PCDH7: variants seen among roughly 807,000 people sequenced by gnomAD.
PCDH7 encodes the protein protocadherin-7.
In PCDH7, 17 loss-of-function variants were observed where a neutral mutation model predicts 58.9. The observed-to-expected ratio is 0.29, with a 90% confidence interval of 0.20 to 0.43. The LOEUF is 0.43. Ranked by LOEUF, PCDH7 falls within the 20% of genes least tolerant of loss-of-function variation. The probability of loss-of-function intolerance (pLI) is 1.00; values close to 1 mark genes in which losing one functional copy is unlikely to be tolerated. For missense variants in PCDH7, 1,274 were observed against 1,441.0 expected (o/e 0.88, Z 1.88); for synonymous variants, 664 against 616.4 (o/e 1.08, Z -1.14).
chr4:31,085,740 T>C (rs773240058), intron 3 of PCDH7, among the ~76,000 whole-genome samples: 1 of 152,184 alleles, frequency 6.6e-6, no homozygotes, highest in African/African-American at 2.4e-5. Flanking sequence ...GGCAATTGAT[T>C]AACAAGTGTT....
chr4:30,748,952 C>T (rs1169693592), intron 1 of PCDH7, among the ~76,000 whole-genome samples: 1 of 152,110 alleles, frequency 6.6e-6, no homozygotes, highest in Non-Finnish European at 1.5e-5. Context: ...AGTCATAATT[C>T]TTTCCTCTCT....
chr4:30,790,216 T>G (rs1236219293), intron 1 of PCDH7, among the ~76,000 whole-genome samples: 1 of 152,228 alleles, frequency 6.6e-6, no homozygotes, highest in Non-Finnish European at 1.5e-5. Flanking sequence ...AAACTTAAGT[T>G]ACTGAGTCAA....
chr4:31,065,602 C>T (rs1758018039), intron 3 of PCDH7, among the ~76,000 whole-genome samples: 2 of 151,880 alleles, frequency 1.3e-5, no homozygotes, highest in Admixed American at 1.3e-4. Flanking sequence ...GAAAATCATG[C>T]ATATAATAGA....
chr4:30,800,964 C>T (rs1403745198), intron 1 of PCDH7, among the ~76,000 whole-genome samples: 1 of 152,184 alleles, frequency 6.6e-6, no homozygotes, highest in Non-Finnish European at 1.5e-5. Flanking sequence ...GAAGTTGGCT[C>T]TGCTGATAGA....
At chr4:30,830,363 G>A (rs1468444447) in intron 1 of PCDH7, among the ~76,000 whole-genome samples, 3 of 151,966 alleles carry the variant, frequency 2.0e-5, no homozygotes, top group African/African-American at 4.8e-5. Flanking sequence ...AAAGTACTAC[G>A]TATGGTGATG....
chr4:30,933,589 C>T (rs1744957901), intron 2 of PCDH7, among the ~76,000 whole-genome samples: 1 of 152,016 alleles, frequency 6.6e-6, no homozygotes, highest in Non-Finnish European at 1.5e-5. Flanking sequence ...TAGCTTTAGG[C>T]CTGCTTATAT....
At chr4:31,039,660 A>T (rs930173085) in intron 3 of PCDH7, among the ~76,000 whole-genome samples, 1 of 152,182 alleles carries the variant, frequency 6.6e-6, no homozygotes, top group Non-Finnish European at 1.5e-5. Flanking sequence ...CTGGAACAAT[A>T]TAAGAGAATT....
At chr4:30,897,282 G>C (rs1031407084) in intron 1 of PCDH7, among the ~76,000 whole-genome samples, 1 of 152,070 alleles carries the variant, frequency 6.6e-6, no homozygotes, top group African/African-American at 2.4e-5. Context: ...AAAGTGCTTC[G>C]AAGATACGAG....
intron 1 of PCDH7, among the ~76,000 whole-genome samples, chr4:30,813,499 C>A (rs1029999376): frequency 1.3e-5 from 2 of 152,088 alleles, no homozygotes; most frequent in African/African-American, 4.8e-5. Flanking sequence ...GAAATGTACA[C>A]TCTGGTAGAA....
At chr4:30,865,947 G>A (rs1422933830) in intron 1 of PCDH7, among the ~76,000 whole-genome samples, 2 of 152,006 alleles carry the variant, frequency 1.3e-5, no homozygotes, top group Non-Finnish European at 2.9e-5. Flanking sequence ...CGAATTTAGG[G>A]GCATACTTCC....
intron 1 of PCDH7, among the ~76,000 whole-genome samples, chr4:30,853,154 G>GA (rs1402285726): frequency 6.6e-6 from 1 of 152,042 alleles, no homozygotes; most frequent in Non-Finnish European, 1.5e-5. Context: ...ATTTCTAAAA[G>GA]AAAAAACTAG....
At chr4:30,948,129 A>G (rs1386192799) in intron 2 of PCDH7, among the ~76,000 whole-genome samples, 1 of 151,826 alleles carries the variant, frequency 6.6e-6, no homozygotes, top group Non-Finnish European at 1.5e-5. Context: ...TTTTCTGTGT[A>G]TATATTTACT....
At position 30,750,498 on chromosome 4, in the gene PCDH7, CTG is replaced by C. The variant is rs556157547; in HGVS notation, c.70+25905_70+25906del. Among the ~76,000 whole-genome samples the C allele has an allele frequency of 3.5e-4, 54 of 152,224 alleles. 1 individual carries two copies. The East Asian group carries it at 0.01, about 28-fold the overall frequency. The stretch of plus-strand genomic sequence containing the variant: ...CCCTCTCTCAAACTAACATTCAACT[CTG>C]TGAATCTGTGAGGAAATGATGTCTG... On this transcript the variant is annotated intron_variant, in intron 1 of 3. Transcript: ENST00000509759.
intron 3 of PCDH7, among the ~76,000 whole-genome samples, chr4:31,027,281 G>A (rs932197574): frequency 2.0e-5 from 3 of 151,904 alleles, no homozygotes; most frequent in Admixed American, 1.3e-4. Context: ...GAAAAATTTC[G>A]CTCTGCATTT....
chr4:30,763,976 T>C (rs1279955586), intron 1 of PCDH7, among the ~76,000 whole-genome samples: 2 of 152,198 alleles, frequency 1.3e-5, no homozygotes, highest in Admixed American at 6.5e-5. Context: ...CATAATTCAC[T>C]GATGTCTAAA....
At chr4:30,802,354 G>A (rs1725631080) in intron 1 of PCDH7, among the ~76,000 whole-genome samples, 1 of 152,016 alleles carries the variant, frequency 6.6e-6, no homozygotes, top group Non-Finnish European at 1.5e-5. Flanking sequence ...TCTTTGCCAA[G>A]AATTTATGCA....
At chr4:30,995,246 G>A (rs979320575) in intron 3 of PCDH7, among the ~76,000 whole-genome samples, 2 of 152,200 alleles carry the variant, frequency 1.3e-5, no homozygotes, top group Admixed American at 6.5e-5. Flanking sequence ...GGCCCAGCAC[G>A]GTGGCTCATG....
chr4:30,943,258 G>T (rs1746271989), intron 2 of PCDH7, among the ~76,000 whole-genome samples: 2 of 151,928 alleles, frequency 1.3e-5, no homozygotes, highest in African/African-American at 2.4e-5. Flanking sequence ...TAAGCTCTCA[G>T]CATGATAACC....
chr4:31,023,077 T>C (rs1754156131), intron 3 of PCDH7, among the ~76,000 whole-genome samples: 2 of 152,104 alleles, frequency 1.3e-5, no homozygotes, highest in Non-Finnish European at 2.9e-5. Context: ...CAATGGACAT[T>C]GAAACAAAAC....
Sources: allele counts gnomAD v4.1 joint callset (sites outside exome capture counted in the v4.1 genomes callset), GRCh38; gene constraint gnomAD v4.1.1; transcripts MANE v1.5; gene names NCBI Gene and HGNC (gene_info 2026-07-23, HGNC 2026-07-21).